Variants in MYO3B observed in about 807,000 individuals in gnomAD.
The protein encoded by MYO3B is myosin IIIB, also known as myosin-IIIb.
Under a neutral mutation model 174.6 loss-of-function variants are expected in MYO3B, and 156 were observed. The observed-to-expected ratio is 0.89, with a 90% CI of 0.78 to 1.02. The LOEUF (loss-of-function observed/expected upper bound fraction) is 1.02, where lower values mean the gene tolerates loss of function less well. MYO3B is among the 50% of genes least tolerant of loss of function. The pLI is 0.00. For synonymous variants in MYO3B, 563 were observed against 569.1 expected (o/e 0.99, Z 0.15); for missense variants, 1,632 against 1,639.4 (o/e 1.00, Z 0.08).
intron 7 of MYO3B, among the ~76,000 whole-genome samples, chr2:170,242,972 G>C (rs2093150903): frequency 6.6e-6 from 1 of 152,170 alleles, no homozygotes; most frequent in African/African-American, 2.4e-5. Flanking sequence ...AGGGGCAGGG[G>C]TAAGACAGGG....
intron 32 of MYO3B, among the ~76,000 whole-genome samples, chr2:170,620,006 A>G (rs1695776649): frequency 6.6e-6 from 1 of 152,024 alleles, no homozygotes; most frequent in Non-Finnish European, 1.5e-5. Context: ...CACTAAGCCC[A>G]AAGAGAGGTA....
At chr2:170,382,372 G>A (rs900267567) in intron 10 of MYO3B, 1 of 284,978 alleles carries the variant, frequency 3.5e-6, no homozygotes, top group East Asian at 5.8e-5. Context: ...CCTTAATGAT[G>A]GATTATATCA....
At chr2:170,433,669 C>T (rs1282827370) in intron 22 of MYO3B, among the ~76,000 whole-genome samples, 3 of 152,198 alleles carry the variant, frequency 2.0e-5, no homozygotes, top group Admixed American at 2.0e-4. Flanking sequence ...GCATGAGCCT[C>T]TTCTTTTTCG....
At chr2:170,442,840 T>C (rs1367018366) in intron 22 of MYO3B, among the ~76,000 whole-genome samples, 1 of 152,246 alleles carries the variant, frequency 6.6e-6, no homozygotes, top group East Asian at 1.9e-4. Flanking sequence ...ACTCATCCTT[T>C]TTTATGGCTG....
chr2:170,223,481 G>A (rs2092922228), intron 6 of MYO3B, among the ~76,000 whole-genome samples: 1 of 152,210 alleles, frequency 6.6e-6, no homozygotes, highest in South Asian at 2.1e-4. Flanking sequence ...AGAATCTAAG[G>A]CTTTGTCAGG....
chr2:170,312,689 T>C (rs1186259228), intron 7 of MYO3B, among the ~76,000 whole-genome samples: 1 of 152,388 alleles, frequency 6.6e-6, no homozygotes, highest in South Asian at 2.1e-4. Context: ...GACACTTTTC[T>C]GATTATTTTG....
intron 9 of MYO3B, among the ~76,000 whole-genome samples, chr2:170,379,193 AATT>A (rs143639478): frequency 0.42 from 56,479 of 134,380 alleles, 10,124 homozygotes; most frequent in East Asian, 0.55. Context: ...AATGTGGTAC[AATT>A]TTTTTTTTTT....
At chr2:170,369,429 T>C in intron 9 of MYO3B, 52 bp downstream of exon 9, 4 of 1,568,094 alleles carry the variant, frequency 2.6e-6, no homozygotes, top group Non-Finnish European at 3.5e-6. Flanking sequence ...AAAAATGTCA[T>C]GTCATGTGTT....
At chr2:170,254,932 G>A (rs756810632) in intron 7 of MYO3B, among the ~76,000 whole-genome samples, 38 of 152,190 alleles carry the variant, frequency 2.5e-4, no homozygotes, top group Non-Finnish European at 4.6e-4. Context: ...AGTTGAGTGG[G>A]CCTGCTCCTG....
chr2:170,426,616 G>T (rs1166612989), intron 22 of MYO3B, among the ~76,000 whole-genome samples: 1 of 152,028 alleles, frequency 6.6e-6, no homozygotes, highest in Non-Finnish European at 1.5e-5. Context: ...CTAGTTCATT[G>T]TAACTTTTTC....
intron 22 of MYO3B, among the ~76,000 whole-genome samples, chr2:170,432,579 ATTT>A (rs777859423): frequency 6.9e-6 from 1 of 145,342 alleles, no homozygotes; most frequent in Admixed American, 6.9e-5. Context: ...AAAAAAAGAA[ATTT>A]TTTTTTTTTT....
chr2:170,327,621 C>T (rs1004887595), intron 7 of MYO3B, among the ~76,000 whole-genome samples: 4 of 152,084 alleles, frequency 2.6e-5, no homozygotes, highest in African/African-American at 9.7e-5. Flanking sequence ...CTCTTCTTCT[C>T]TTCCTTTTCC....
At chr2:170,528,602 C>T (rs1269560748) in intron 30 of MYO3B, among the ~76,000 whole-genome samples, 1 of 152,108 alleles carries the variant, frequency 6.6e-6, no homozygotes, top group Non-Finnish European at 1.5e-5. Flanking sequence ...GACGGAGTTT[C>T]ACCATGTTGG....
intron 7 of MYO3B, among the ~76,000 whole-genome samples, chr2:170,310,015 T>G (rs1437930086): frequency 1.3e-5 from 2 of 152,224 alleles, no homozygotes; most frequent in Admixed American, 6.5e-5. Flanking sequence ...AATTATACAA[T>G]GTATGGCCGT....
rs72885607 is a variant in MYO3B, at chr2:170,204,490, C to T, written c.321+4206C>T. Among the ~76,000 whole-genome samples the T allele has an allele frequency of 1.7e-3, 252 of 152,260 alleles. 2 individuals are homozygous for T. Among genetic ancestry groups the T allele is most frequent in the Non-Finnish European group, 2.6e-3 (179 of 68,018 alleles). ...TAATAATGTGGAAGAAAGTTGATGG[C>T]TTATTGAGCAAGGAACATTTTATTG... is the stretch of plus-strand genomic sequence containing the variant. On this transcript the variant is annotated intron_variant, in intron 3 of 34. Coordinates refer to ENST00000408978, the MANE Select transcript of MYO3B (RefSeq NM_138995.5).
intron 32 of MYO3B, among the ~76,000 whole-genome samples, chr2:170,585,432 A>G (rs957458002): frequency 3.3e-5 from 5 of 152,154 alleles, no homozygotes; most frequent in Admixed American, 3.3e-4. Flanking sequence ...AGACAGAAAA[A>G]AAAAGCAACA....
intron 8 of MYO3B, among the ~76,000 whole-genome samples, chr2:170,347,005 G>A (rs1044700927): frequency 1.3e-5 from 2 of 152,162 alleles, no homozygotes; most frequent in African/African-American, 2.4e-5. Context: ...TCTTTGTTAT[G>A]TGAAAATCTT....
chr2:170,653,083 T>C lies in MYO3B; in HGVS notation c.3988T>C (p.Ser1330Pro), dbSNP rs201654883. The C allele has an allele frequency of 3.1e-6, 5 of 1,614,084 alleles. No homozygotes were observed. Among genetic ancestry groups the C allele is most frequent in the African/African-American group, 2.7e-5 (2 of 74,924 alleles). Residue 1330 changes from serine (S) to proline (P), a missense_variant, in exon 35 of 35, where the codon TCT (serine) becomes CCT (proline). By Grantham distance (74) the Ser-to-Pro change is moderately conservative. Transcript: ENST00000408978. ...CAACTCAGCCCACCCTTCCTTTTTT[T>C]CTTCATCCTCAAAAGGAGACTCTTT... ...ENNSAHPSFF[S>P]SSSKGDSFAQ... is the part of the protein sequence containing the mutation.
chr2:170,267,011 A>G (rs2093388830), intron 7 of MYO3B, among the ~76,000 whole-genome samples: 1 of 152,228 alleles, frequency 6.6e-6, no homozygotes, highest in African/African-American at 2.4e-5. Flanking sequence ...ATCTTGATAC[A>G]CATTTTCTCA....
Sources: gnomAD v4.1 joint callset for allele counts (sites outside exome capture counted in the v4.1 genomes callset) on GRCh38, gnomAD v4.1.1 for gene constraint, MANE v1.5 for transcripts, NCBI Gene and HGNC (gene_info 2026-07-23, HGNC 2026-07-21) for gene names.